The following XPNPEP2 variants were observed in gnomAD, a reference collection of about 807,000 sequenced individuals.
The protein encoded by XPNPEP2 is xaa-Pro aminopeptidase 2.
In XPNPEP2, 64 loss-of-function variants were observed where a neutral mutation model predicts 59.8. The ratio of observed to expected loss-of-function variants is 1.07; its 90% confidence interval spans 0.87 to 1.32. XPNPEP2 has a LOEUF of 1.32. XPNPEP2 is among the 40% of genes most tolerant of loss of function. The pLI is 0.00. For missense variants in XPNPEP2, 575 were observed against 546.8 expected, an observed-to-expected ratio of 1.05 and a Z score of -0.51; for synonymous variants, 235 against 210.0, an observed-to-expected ratio of 1.12 and a Z score of -1.03.
Position 129,768,418 on chromosome X carries a change from C to T in XPNPEP2, c.1958C>T (p.Pro653Leu). 1 of 1,208,580 alleles carries T rather than the reference C, an allele frequency of 8.3e-7. No homozygotes were observed. The highest frequency in any genetic ancestry group is 1.1e-6 in the Non-Finnish European group (1 of 894,189). The change falls in exon 21 of 21, where the codon CCA (proline) becomes CTA (leucine). Residue 653 changes from proline (P) to leucine (L), a missense_variant. Pro to Leu is a moderately conservative substitution (Grantham distance 98). Transcript: ENST00000371106. ...ACAGAGCCCCTGGCCGCCAGGGCCC[C>T]AGACACCGCCTCCTGGGCCTCTGTG... Reference protein sequence around the residue: ...QHTEPLAARAPDTASWASVLV... With the variant: ...QHTEPLAARALDTASWASVLV...
intron 9 of XPNPEP2, 113 bp downstream of exon 9, chrX:129,751,939 C>T (rs962757834): frequency 5.8e-6 from 5 of 864,635 alleles, no homozygotes; most frequent in African/African-American, 2.0e-5. Flanking sequence ...ATCAGCTCGG[C>T]GCCTGCTGCA....
chrX:129,755,253 G>A, intron 12 of XPNPEP2, 41 bp from the exon 13 acceptor site: 1 of 1,164,199 alleles, frequency 8.6e-7, no homozygotes, highest in Non-Finnish European at 1.2e-6. Flanking sequence ...GCCTAGTCCA[G>A]GGGCCCATTC....
chrX:129,744,805 T>C (rs2124016825), intron 3 of XPNPEP2, among the ~76,000 whole-genome samples: 1 of 112,069 alleles, frequency 8.9e-6, no homozygotes, highest in East Asian at 2.8e-4. Flanking sequence ...AGTTATGATG[T>C]TCCCAGTCTA....
chrX:129,762,468 GAAGA>G (rs1472371185), intron 18 of XPNPEP2, among the ~76,000 whole-genome samples: 19 of 111,916 alleles, frequency 1.7e-4, no homozygotes, highest in Admixed American at 3.8e-4. Flanking sequence ...GGGCTACAGG[GAAGA>G]GAGAGTGAGT....
Position 129,767,645 on chromosome X carries a change from C to T in XPNPEP2, c.1783C>T (p.Pro595Ser). 5.0e-6 allele frequency: 6 copies of T among 1,211,736 alleles called. No individual in the cohort carries two copies. The highest frequency in any genetic ancestry group is 1.8e-5 in the South Asian group (1 of 56,993). The part of the protein sequence containing the change: ...YLTFEVVSFV[P>S]YDRNLIDVSL... Reference sequence around the variant, plus strand: ...GACCTTTGAAGTGGTATCATTTGTGCCCTATGACCGGAACCTCATCGATGT... The same window carrying T: ...GACCTTTGAAGTGGTATCATTTGTGTCCTATGACCGGAACCTCATCGATGT... Residue 595 changes from proline (P) to serine (S), a missense_variant, in exon 20 of 21, where the codon CCC becomes TCC. Transcript: ENST00000371106.
chrX:129,747,127 C>T (rs957118646), intron 6 of XPNPEP2, among the ~76,000 whole-genome samples: 2 of 111,509 alleles, frequency 1.8e-5, no homozygotes, highest in South Asian at 3.8e-4. Context: ...GAGAATACAA[C>T]TCCCGGAGTT....
At chrX:129,759,634 G>A (rs1926619192) in intron 15 of XPNPEP2, among the ~76,000 whole-genome samples, 1 of 112,873 alleles carries the variant, frequency 8.9e-6, no homozygotes, top group Non-Finnish European at 1.9e-5. Flanking sequence ...TGGCCAGCTG[G>A]GGCAGAGGCG....
rs529385059 is a variant in XPNPEP2 at position 129,742,473 on chromosome X, T to C, written c.123+292T>C. 1.1e-4 allele frequency among the ~76,000 whole-genome samples: 11 copies of C among 103,592 alleles called. No homozygotes were observed. The South Asian group carries it at 5.3e-3, about 50-fold the overall frequency. 90.0% of individuals were successfully genotyped at this position (103,592 alleles called of 115,157 possible). A position where few individuals can be genotyped will look rare whatever the true frequency, so the allele number is the denominator to read the frequency against. Reference sequence around the variant, plus strand: ...CTGATCTGGGCCTGGGAAACCCCTCTAGGAGGAGGGAGGAGGGCAGGAGGC... The same window carrying C: ...CTGATCTGGGCCTGGGAAACCCCTCCAGGAGGAGGGAGGAGGGCAGGAGGC... On this transcript the variant is annotated intron_variant, in intron 2 of 20. Coordinates refer to ENST00000371106, the MANE Select transcript of XPNPEP2 (RefSeq NM_003399.6).
At chrX:129,764,321 ATGGTCCACAT>A (rs752180057) in intron 19 of XPNPEP2, among the ~76,000 whole-genome samples, 1 of 109,842 alleles carries the variant, frequency 9.1e-6, no homozygotes, top group South Asian at 4.0e-4. Context: ...TTAACACCAA[ATGGTCCACAT>A]GCATGTGGAA....
chrX:129,744,275 C>A (rs1448954862), intron 3 of XPNPEP2, among the ~76,000 whole-genome samples: 2 of 112,173 alleles, frequency 1.8e-5, no homozygotes, highest in Non-Finnish European at 1.9e-5. Context: ...TGCCAAACCT[C>A]CTTAACCTCA....
At chrX:129,759,034 G>A (rs1926607650) in intron 14 of XPNPEP2, 146 bp from the exon 15 acceptor site, 1 of 626,626 alleles carries the variant, frequency 1.6e-6, no homozygotes. Flanking sequence ...TGCTGAAGAG[G>A]GGATTTTGAT....
chrX:129,750,417 C>T lies in XPNPEP2; in HGVS notation c.638-51C>T, dbSNP rs1022328011. ...AGGCTGACCTTCCAGGAACCGAGTG[C>T]CAAAGGCAAGGTCTGTCACTTACAC... On this transcript the variant is annotated intron_variant, in intron 7 of 20. Transcript: ENST00000371106. 5 of 1,068,814 alleles carry T rather than the reference C, an allele frequency of 4.7e-6. No homozygotes were observed. The African/African-American group carries it at 9.2e-5, about 20-fold the overall frequency. 88.1% of individuals were successfully genotyped at this position (1,068,814 alleles called of 1,213,427 possible).
chrX:129,740,420 A>C (rs903717181), intron 1 of XPNPEP2, among the ~76,000 whole-genome samples: 2 of 111,776 alleles, frequency 1.8e-5, no homozygotes, highest in Admixed American at 1.9e-4. Context: ...TGAGGTCAGG[A>C]GTTCGAGACC....
At chrX:129,759,068 C>T (rs761201932) in intron 14 of XPNPEP2, 112 bp from the exon 15 acceptor site, 13 of 879,173 alleles carry the variant, frequency 1.5e-5, no homozygotes, top group Middle Eastern at 2.7e-4. Context: ...TTCTTCCTTT[C>T]GCCGTCCACC....
intron 11 of XPNPEP2, among the ~76,000 whole-genome samples, chrX:129,753,970 T>A (rs915601038): frequency 8.9e-6 from 1 of 112,487 alleles, no homozygotes; most frequent in Non-Finnish European, 1.9e-5. Context: ...TAAATAAGTG[T>A]TAGCTATAAT....
At chrX:129,743,516 T>C (rs1161649977) in intron 2 of XPNPEP2, among the ~76,000 whole-genome samples, 1 of 112,810 alleles carries the variant, frequency 8.9e-6, no homozygotes, top group African/African-American at 3.2e-5. Context: ...AATACTTACA[T>C]TAAAACATTA....
chrX:129,759,343 G>A (rs962596288), intron 15 of XPNPEP2, 103 bp downstream of exon 15: 23 of 1,021,333 alleles, frequency 2.3e-5, no homozygotes, highest in Non-Finnish European at 3.1e-5. Flanking sequence ...GCTCAGAGAG[G>A]TTAAGTAGTT....
rs1569475447 is a variant in XPNPEP2, at chrX:129,742,165, G to T, written c.107G>T (p.Cys36Phe). The T allele has an allele frequency of 8.3e-7, 1 of 1,206,058 alleles. No individual in the cohort carries two copies. ...CTTGGAGGGCAGGATGTGAGAAACT[G>T]TTCCACCAACCCCCCTGTGAGTGCC... ...VDLGGQDVRN[C>F]STNPPYLPVT... Residue 36 changes from cysteine (C) to phenylalanine (F), a missense_variant, in exon 2 of 21, where the codon TGT becomes TTT. By Grantham distance (205) the Cys-to-Phe change is radical (BLOSUM62 -2). Coordinates refer to ENST00000371106, the MANE Select transcript of XPNPEP2 (RefSeq NM_003399.6).
chrX:129,751,595 A>G (rs5932673), intron 8 of XPNPEP2, 150 bp from the exon 9 acceptor site: 9,896 of 196,106 alleles, frequency 0.05, 258 homozygotes, highest in East Asian at 0.13. Flanking sequence ...AGAAAGAAAG[A>G]AAGGAAGGAA....
Sources: gnomAD v4.1 joint callset for allele counts (sites outside exome capture counted in the v4.1 genomes callset) on GRCh38, gnomAD v4.1.1 for gene constraint, MANE v1.5 for transcripts, NCBI Gene and HGNC (gene_info 2026-07-23, HGNC 2026-07-21) for gene names.